Variants in LOXHD1 observed in about 807,000 individuals in gnomAD.
The protein encoded by LOXHD1 is lipoxygenase homology domain-containing protein 1.
A neutral mutation model predicts 248.2 loss-of-function variants in LOXHD1; 205 were observed. The observed-to-expected ratio is 0.83, with a 90% CI of 0.74 to 0.93. The LOEUF (loss-of-function observed/expected upper bound fraction) is 0.93, where lower values mean the gene tolerates loss of function less well. Ranked by LOEUF, LOXHD1 falls within the 40% of genes least tolerant of loss-of-function variation. The probability of loss-of-function intolerance (pLI) is 0.00; values close to 1 mark genes in which losing one functional copy is unlikely to be tolerated. For synonymous variants in LOXHD1, 1,113 were observed against 1,162.8 expected (o/e 0.96, Z 0.87); for missense variants, 2,930 against 2,971.6 (o/e 0.99, Z 0.33).
At chr18:46,639,557 C>A in intron 4 of LOXHD1, 59 bp downstream of exon 4, 1 of 1,510,316 alleles carries the variant, frequency 6.6e-7, no homozygotes, top group Admixed American at 2.0e-5. Flanking sequence ...ACGATTCTTT[C>A]CTGGGTGAGC....
In LOXHD1 at chr18:46,529,334, G is replaced by T; in HGVS notation, c.4376-3C>A. The T allele has an allele frequency of 6.5e-7, 1 of 1,534,196 alleles. No individual in the cohort carries two copies. The highest frequency in any genetic ancestry group is 8.8e-7 in the Non-Finnish European group (1 of 1,134,426). On this transcript the variant is annotated splice_region_variant and splice_polypyrimidine_tract_variant and intron_variant, in intron 28 of 40. Transcript: ENST00000642948. ...GATCTGCACCGAGTACAGCACAACT[G>T]GGCAGGTGGTGGGACAGACAGACAG...
chr18:46,584,097 C>T (rs2144177347), intron 12 of LOXHD1, among the ~76,000 whole-genome samples: 1 of 152,060 alleles, frequency 6.6e-6, no homozygotes, highest in African/African-American at 2.4e-5. Flanking sequence ...AAGCCAGACG[C>T]AGAAAGACCA....
intron 34 of LOXHD1, among the ~76,000 whole-genome samples, chr18:46,513,137 T>A (rs1874608931): frequency 6.6e-6 from 1 of 152,226 alleles, no homozygotes; most frequent in Non-Finnish European, 1.5e-5. Context: ...GAAGGCAGCA[T>A]GGAGGGTTTA....
At chr18:46,598,930 C>A (rs1474540244) in intron 8 of LOXHD1, among the ~76,000 whole-genome samples, 2 of 151,890 alleles carry the variant, frequency 1.3e-5, no homozygotes, top group African/African-American at 2.4e-5. Context: ...TGGGATTTGG[C>A]AAAATAAATA....
chr18:46,564,612 G>T (rs1021822607), intron 17 of LOXHD1, among the ~76,000 whole-genome samples: 5 of 148,716 alleles, frequency 3.4e-5, no homozygotes, highest in African/African-American at 1.3e-4. Context: ...CTAAAGTAAG[G>T]TTGTTGGCAT....
rs933222043 is a variant in LOXHD1 at position 46,601,429 on chromosome 18, G to A, written c.922C>T (p.Arg308Trp). 14 of 1,551,678 alleles carry A rather than the reference G, an allele frequency of 9.0e-6. No homozygotes were observed. The highest frequency in any genetic ancestry group is 7.8e-5 in the Admixed American group (4 of 50,996). ...YIVTVFTGDV[R>W]GAGTKSKIYL... is the part of the protein sequence containing the mutation. ...ATTTTGGATTTGGTACCAGCCCCCC[G>A]GACATCCCCAGTGAAGACGGTGACA... The change falls in exon 8 of 41, where the codon CGG becomes TGG. Residue 308 changes from arginine to tryptophan, a missense_variant. Physicochemically the swap from Arg to Trp is moderately radical, Grantham distance 101 (BLOSUM62 -3). Transcript: ENST00000642948.
chr18:46,546,722 C>T (rs910172578), intron 22 of LOXHD1, among the ~76,000 whole-genome samples, 173 bp downstream of exon 22: 10 of 152,168 alleles, frequency 6.6e-5, no homozygotes, highest in Non-Finnish European at 1.2e-4. Flanking sequence ...TGAGACTATG[C>T]CCCCTTTACC....
chr18:46,488,164 A>G (rs1055779550), intron 38 of LOXHD1, among the ~76,000 whole-genome samples: 1 of 152,200 alleles, frequency 6.6e-6, no homozygotes, highest in African/African-American at 2.4e-5. Flanking sequence ...GAGTGGGAGC[A>G]TAGGGAGTGG....
intron 37 of LOXHD1, among the ~76,000 whole-genome samples, chr18:46,489,707 G>A (rs541991220): frequency 1.2e-4 from 19 of 152,124 alleles, no homozygotes; most frequent in African/African-American, 2.4e-4. Flanking sequence ...TGCATCTGCC[G>A]TGGCCACACA....
Position 46,489,003 on chromosome 18 carries a change from G to T in LOXHD1, c.6018C>A (p.Asn2006Lys), listed in dbSNP as rs765164862. 17 of 1,551,514 alleles carry T rather than the reference G, an allele frequency of 1.1e-5. No individual in the cohort carries two copies. In the East Asian group the frequency reaches 3.7e-4, roughly 33 times the overall value. ...GQTVRDFACA[N>K]NKICDELEET... ...CTTCCAGCTCATCACAGATCTTGTT[G>T]TTGGCACAGGCAAAGTCGCGGACCG... Residue 2006 changes from asparagine (N) to lysine (K), a missense_variant, in exon 38 of 41, where the codon AAC (asparagine) becomes AAA (lysine). By Grantham distance (94) the Asn-to-Lys change is moderately conservative. Coordinates refer to ENST00000642948, the MANE Select transcript of LOXHD1 (RefSeq NM_001384474.1).
intron 33 of LOXHD1, chr18:46,520,742 A>T (rs2035536264): frequency 1.1e-5 from 3 of 262,766 alleles, no homozygotes; most frequent in Admixed American, 9.8e-5. Context: ...GCCTGTCTAC[A>T]TAGAGCTGCT....
chr18:46,510,601 C>T (rs2034900902), intron 34 of LOXHD1, among the ~76,000 whole-genome samples: 1 of 152,178 alleles, frequency 6.6e-6, no homozygotes, highest in South Asian at 2.1e-4. Context: ...ATGCAGGTGG[C>T]ACTGGAGATG....
At chr18:46,512,467 G>A (rs2035023524) in intron 34 of LOXHD1, among the ~76,000 whole-genome samples, 1 of 152,128 alleles carries the variant, frequency 6.6e-6, no homozygotes, top group Non-Finnish European at 1.5e-5. Context: ...TGAATTTTCA[G>A]GGAGGCTGAT....
intron 17 of LOXHD1, 128 bp downstream of exon 17, chr18:46,566,129 C>A (rs2037634943): frequency 1.0e-6 from 1 of 999,922 alleles, no homozygotes; most frequent in Non-Finnish European, 1.4e-6. Context: ...CCCCCATTTT[C>A]TCCCTGCAGG....
Position 46,579,839 on chromosome 18 carries a change from A to C in LOXHD1, c.1655-55T>G, listed in dbSNP as rs1232446676. ...TGACAGCCCCCTGCTTCCCATCCCT[A>C]GCCCTGCTGCTCCCACTTCTAAGCT... On this transcript the variant is annotated intron_variant, in intron 12 of 40. Transcript: ENST00000642948. 5.3e-6 allele frequency: 8 copies of C among 1,515,992 alleles called. No homozygotes were observed. In the African/African-American group the frequency reaches 8.3e-5, roughly 16 times the overall value. The allele number at this position is 1,515,992 out of a possible 1,614,324, so 93.9% of individuals were successfully genotyped here.
intron 17 of LOXHD1, among the ~76,000 whole-genome samples, chr18:46,563,608 A>G (rs2037574883): frequency 6.6e-6 from 1 of 152,180 alleles, no homozygotes; most frequent in Admixed American, 6.5e-5. Flanking sequence ...TGCCATTGTA[A>G]CCGTATTAAA....
At chr18:46,480,266 C>T (rs1375571744) in intron 40 of LOXHD1, among the ~76,000 whole-genome samples, 1 of 152,102 alleles carries the variant, frequency 6.6e-6, no homozygotes, top group African/African-American at 2.4e-5. Context: ...TTCAGCATCG[C>T]TTCTCCTCAG....
chr18:46,612,696 A>C (rs2038526257), intron 5 of LOXHD1, among the ~76,000 whole-genome samples: 1 of 152,168 alleles, frequency 6.6e-6, no homozygotes, highest in Non-Finnish European at 1.5e-5. Flanking sequence ...GAGATTAAAA[A>C]GATACTCCTT....
intron 37 of LOXHD1, among the ~76,000 whole-genome samples, chr18:46,495,235 C>T (rs2033781401): frequency 6.6e-6 from 1 of 152,060 alleles, no homozygotes; most frequent in Non-Finnish European, 1.5e-5. Flanking sequence ...GCATGAAGAA[C>T]AAGATAAATT....
Sources: allele counts gnomAD v4.1 joint callset (sites outside exome capture counted in the v4.1 genomes callset), GRCh38; gene constraint gnomAD v4.1.1; transcripts MANE v1.5; gene names NCBI Gene and HGNC (gene_info 2026-07-23, HGNC 2026-07-21).